Variants in LAMC3 observed in about 807,000 individuals in gnomAD.
LAMC3 encodes laminin subunit gamma-3.
In LAMC3, 128 loss-of-function variants were observed where a neutral mutation model predicts 173.8. That is an observed-to-expected ratio of 0.74 (90% CI 0.64 to 0.85). The LOEUF (loss-of-function observed/expected upper bound fraction) is 0.85. Ranked by LOEUF, LAMC3 falls within the 40% of genes least tolerant of loss-of-function variation. LAMC3 has a pLI of 0.00. For missense variants in LAMC3, 2,022 were observed against 2,156.0 expected (o/e 0.94, Z 1.23); for synonymous variants, 897 against 909.1 (o/e 0.99, Z 0.24).
At chr9:131,050,841 CT>C (rs1834268986) in intron 9 of LAMC3, among the ~76,000 whole-genome samples, 1 of 151,862 alleles carries the variant, frequency 6.6e-6, no homozygotes, top group Admixed American at 6.6e-5. Flanking sequence ...GCTGGGTAGC[CT>C]GTTGGTGGAC....
At chr9:131,062,278 A>G (rs1464275568) in intron 13 of LAMC3, among the ~76,000 whole-genome samples, 2 of 149,442 alleles carry the variant, frequency 1.3e-5, no homozygotes, top group Non-Finnish European at 3.0e-5. Flanking sequence ...GGAGAATCGC[A>G]TGAACCCAGG....
At position 131,050,412 on chromosome 9, in the gene LAMC3, C is replaced by T. The variant is rs1164672341; in HGVS notation, c.1630+1282C>T. 2.0e-5 allele frequency among the ~76,000 whole-genome samples: 3 copies of T among 152,168 alleles called. No individual in the cohort carries two copies. In the East Asian group the frequency reaches 5.8e-4, roughly 29 times the overall value. ...ACATCGACCCTCTGGCCAGCATGTC[C>T]ACCTTCTGTATTCTGCCTACGAGCA... On this transcript the variant is annotated intron_variant, in intron 9 of 27. Transcript: ENST00000361069.
At chr9:131,088,571 A>G (rs1025883186) in intron 27 of LAMC3, among the ~76,000 whole-genome samples, 1 of 152,176 alleles carries the variant, frequency 6.6e-6, no homozygotes, top group African/African-American at 2.4e-5. Context: ...ATTTTTTTCA[A>G]ATTGTAAAAG....
intron 22 of LAMC3, 149 bp downstream of exon 22, chr9:131,077,483 C>T: frequency 1.0e-6 from 1 of 975,844 alleles, no homozygotes; most frequent in South Asian, 1.4e-5. Flanking sequence ...TTGAGACCAC[C>T]TGGGCCAACG....
intron 17 of LAMC3, among the ~76,000 whole-genome samples, chr9:131,070,712 TA>T (rs879797016): frequency 3.4e-4 from 49 of 145,342 alleles, no homozygotes; most frequent in Non-Finnish European, 3.7e-4. Context: ...AGACTCTGTC[TA>T]AAAAAAAAAA....
At position 131,026,531 on chromosome 9, in the gene LAMC3, T is replaced by C; in HGVS notation, c.620T>C (p.Phe207Ser). The C allele has an allele frequency of 6.2e-7, 1 of 1,611,600 alleles. No individual in the cohort carries two copies. Among genetic ancestry groups the C allele is most frequent in the Non-Finnish European group, 8.5e-7 (1 of 1,179,408 alleles). ...CCGCTGAGTGGCGGCAACGTGGCCT[T>C]CTCCACCCTGGAGGGCCGGCCCAGC... ...ISPLSGGNVAFSTLEGRPSAY... is the reference protein window; with the variant it reads ...ISPLSGGNVASSTLEGRPSAY... The change falls in exon 2 of 28, where the codon TTC becomes TCC. Residue 207 changes from phenylalanine to serine, a missense_variant. By Grantham distance (155) the Phe-to-Ser change is radical (BLOSUM62 -2). Coordinates refer to ENST00000361069, the MANE Select transcript of LAMC3 (RefSeq NM_006059.4). This position sits in a 1 kb window ranked among gnomAD's most constrained non-coding sequence, Gnocchi z 4.8.
chr9:131,060,744 G>A (rs777908317), intron 12 of LAMC3, among the ~76,000 whole-genome samples: 8 of 152,124 alleles, frequency 5.3e-5, no homozygotes, highest in African/African-American at 9.7e-5. Context: ...GGACCCTGAC[G>A]AGAACCCTTT....
intron 24 of LAMC3, 68 bp downstream of exon 24, chr9:131,082,229 C>T: frequency 2.5e-6 from 3 of 1,191,894 alleles, no homozygotes; most frequent in East Asian, 2.5e-5. Context: ...TCACCTCTCG[C>T]CTCAGCCAGG....
At chr9:131,039,738 G>C (rs1302415710) in intron 6 of LAMC3, among the ~76,000 whole-genome samples, 1 of 151,930 alleles carries the variant, frequency 6.6e-6, no homozygotes, top group African/African-American at 2.4e-5. Context: ...TGGTGACCAG[G>C]GGGTGGAAGA....
At chr9:131,081,155 T>C (rs1227142350) in intron 23 of LAMC3, among the ~76,000 whole-genome samples, 1 of 152,246 alleles carries the variant, frequency 6.6e-6, no homozygotes, top group African/African-American at 2.4e-5. Flanking sequence ...TCGTGTAATA[T>C]GTGCCGATGG....
In LAMC3 at chr9:131,032,063, G is replaced by A. The variant is rs1161249325; in HGVS notation, c.697G>A (p.Glu233Lys). ...PGLQEWVTST[E>K]LLISLDRLNT... is the part of the protein sequence containing the mutation. The stretch of plus-strand genomic sequence containing the variant: ...GCCCCAGGAGTGGGTCACCAGCACC[G>A]AACTCCTCATCTCTCTAGACCGGCT... Residue 233 changes from glutamate (E) to lysine (K), a missense_variant, in exon 3 of 28, where the codon GAA becomes AAA. Transcript: ENST00000361069. The A allele has an allele frequency of 6.2e-6, 10 of 1,613,996 alleles. No individual in the cohort carries two copies. The highest frequency in any genetic ancestry group is 1.6e-4 in the Middle Eastern group (1 of 6,062).
chr9:131,077,206 G>A lies in LAMC3; in HGVS notation c.3649G>A (p.Ala1217Thr), dbSNP rs1020646051. ...LEDRYQEVQA[A>T]QKALRTAVAE... ...TCCCAGGTACCAGGAGGTCCAGGCG[G>A]CCCAGAAAGCACTGAGGACGGCTGT... is the stretch of plus-strand genomic sequence containing the variant. The change falls in exon 22 of 28, where the codon GCC (alanine) becomes ACC (threonine). Residue 1217 changes from alanine (A) to threonine (T), a missense_variant. By Grantham distance (58) the Ala-to-Thr change is moderately conservative. Coordinates refer to ENST00000361069, the MANE Select transcript of LAMC3 (RefSeq NM_006059.4). 6.2e-7 allele frequency: 1 copy of A among 1,613,790 alleles called. No individual in the cohort carries two copies. Among genetic ancestry groups the A allele is most frequent in the Non-Finnish European group, 8.5e-7 (1 of 1,180,026 alleles).
chr9:131,072,770 C>G lies in LAMC3; in HGVS notation c.3352C>G (p.Leu1118Val). Residue 1118 changes from leucine (L) to valine (V), a missense_variant, in exon 19 of 28, where the codon CTG becomes GTG. Leu to Val is a conservative substitution (Grantham distance 32, BLOSUM62 1). Coordinates refer to ENST00000361069, the MANE Select transcript of LAMC3 (RefSeq NM_006059.4). ...SQKTCTQLAD[L>V]EAVLESSEEE... Reference sequence around the variant, plus strand: ...GAAGACCTGCACCCAGCTGGCAGACCTGGAGGCAGTGCTGGAGTCCTCGGA... The same window carrying G: ...GAAGACCTGCACCCAGCTGGCAGACGTGGAGGCAGTGCTGGAGTCCTCGGA... The G allele has an allele frequency of 6.2e-7, 1 of 1,613,492 alleles. No homozygotes were observed.
At chr9:131,010,030 T>G (rs1439416850) in intron 1 of LAMC3, among the ~76,000 whole-genome samples, 3 of 151,682 alleles carry the variant, frequency 2.0e-5, no homozygotes, top group African/African-American at 7.3e-5. Flanking sequence ...GGTAGGTGCC[T>G]GTAGTTCCAG....
In LAMC3 at chr9:131,052,688, G is replaced by A. The variant is rs763312951; in HGVS notation, c.1823+5G>A. 32 of 1,612,730 alleles carry A rather than the reference G, an allele frequency of 2.0e-5. No homozygotes were observed. In the South Asian group the frequency reaches 3.5e-4, roughly 18 times the overall value. ...GGAGGTAGAGCTCAGGTTCCAGTAA[G>A]TATCCCCTTCTGTCCTGAGAGATGG... On this transcript the variant is annotated splice_donor_5th_base_variant and intron_variant, in intron 10 of 27. Transcript: ENST00000361069.
At chr9:131,055,163 T>C (rs1415770690) in intron 11 of LAMC3, among the ~76,000 whole-genome samples, 1 of 152,168 alleles carries the variant, frequency 6.6e-6, no homozygotes, top group African/African-American at 2.4e-5. Flanking sequence ...GAAATGGAGA[T>C]GTTAGGTCAA....
At position 131,009,374 on chromosome 9, in the gene LAMC3, T is replaced by G; in HGVS notation, c.160T>G (p.Cys54Gly). Residue 54 changes from cysteine to glycine, a missense_variant, in exon 1 of 28, where the codon TGC becomes GGC. Coordinates refer to ENST00000361069, the MANE Select transcript of LAMC3 (RefSeq NM_006059.4). The surrounding 1 kb of genome is among the most constrained non-coding windows in gnomAD (Gnocchi z 4.3). ...FGRLAQASHT[C>G]GSPPEDFCPH... ...GCGGCTCGCCCAGGCCTCGCACACG[T>G]GCGGCAGCCCGCCCGAGGACTTCTG... The G allele has an allele frequency of 1.3e-6, 2 of 1,526,174 alleles. No individual in the cohort carries two copies. The highest frequency in any genetic ancestry group is 1.8e-6 in the Non-Finnish European group (2 of 1,141,360). 94.5% of individuals were successfully genotyped at this position (1,526,174 alleles called of 1,614,324 possible).
At chr9:131,079,063 G>C (rs957513857) in intron 22 of LAMC3, 86 bp from the exon 23 acceptor site, 1 of 1,535,168 alleles carries the variant, frequency 6.5e-7, no homozygotes, top group South Asian at 1.2e-5. Flanking sequence ...CGCCGCCTCA[G>C]CCCAGCAGGG....
At position 131,085,652 on chromosome 9, in the gene LAMC3, GC is replaced by G; in HGVS notation, c.4160del (p.Ala1387GlyfsTer30). ...TKQAERMLGNAAPLSSSAKKK... is the reference protein window; with the variant it reads ...TKQAERMLGNXAPLSSSAKKK... The stretch of plus-strand genomic sequence containing the variant: ...GCAGGCGGAGAGGATGCTGGGAAAC[GC>G]GGCCCCTCTTTCCTCCAGTGCCAAG... On this transcript the variant is annotated frameshift_variant, in exon 25 of 28. Transcript: ENST00000361069. LOFTEE classifies it high-confidence loss of function. The G allele has an allele frequency of 6.2e-7, 1 of 1,614,174 alleles. No homozygotes were observed.
Sources: gnomAD v4.1 joint callset for allele counts (sites outside exome capture counted in the v4.1 genomes callset) on GRCh38, gnomAD v4.1.1 for gene constraint, Gnocchi (gnomAD v3.1) non-coding constraint, MANE v1.5 for transcripts, NCBI Gene and HGNC (gene_info 2026-07-23, HGNC 2026-07-21) for gene names.